Variants in PCCB observed in about 807,000 individuals in gnomAD.
The protein encoded by PCCB is propionyl-CoA carboxylase subunit beta.
A neutral mutation model predicts 60.7 loss-of-function variants in PCCB; 43 were observed. The observed-to-expected ratio is 0.71, with a 90% CI of 0.55 to 0.91. The LOEUF is 0.91. PCCB is among the 40% of genes least tolerant of loss of function. The pLI, the probability that PCCB is intolerant of heterozygous loss-of-function variation, is 0.00. For synonymous variants in PCCB, 276 were observed against 255.9 expected (o/e 1.08, Z -0.75); for missense variants, 766 against 702.8 (o/e 1.09, Z -1.02).
chr3:136,253,005 T>C (rs1336111320), intron 1 of PCCB, among the ~76,000 whole-genome samples: 1 of 151,422 alleles, frequency 6.6e-6, no homozygotes, highest in Non-Finnish European at 1.5e-5. Context: ...TTTTTGTTTT[T>C]TTCGGGGAGG....
chr3:136,260,462 T>A lies in PCCB; in HGVS notation c.373-17T>A. On this transcript the variant is annotated splice_polypyrimidine_tract_variant and intron_variant, in intron 3 of 14. Coordinates refer to ENST00000251654, the MANE Select transcript of PCCB (RefSeq NM_000532.5). The stretch of plus-strand genomic sequence containing the variant: ...CAGTCACTATATTTGACTTGCTGAT[T>A]TGTATTTTCTTTTTAGGATTTTACA... The A allele has an allele frequency of 6.2e-7, 1 of 1,606,560 alleles. No homozygotes were observed.
chr3:136,294,485 T>G (rs1933846591), intron 7 of PCCB, among the ~76,000 whole-genome samples: 1 of 151,972 alleles, frequency 6.6e-6, no homozygotes, highest in African/African-American at 2.4e-5. Context: ...CAAATTTTTT[T>G]TTTTTTGTAG....
rs554715258 is a variant in PCCB at position 136,263,730 on chromosome 3, G to A, written c.543+1665G>A. On this transcript the variant is annotated intron_variant, in intron 5 of 14. Coordinates refer to ENST00000251654, the MANE Select transcript of PCCB (RefSeq NM_000532.5). Reference sequence around the variant, plus strand: ...TATTTTGATAAAATTTCAAACTTCAGCCTGGGCACGGTGGCTCACACCTGC... The same window carrying A: ...TATTTTGATAAAATTTCAAACTTCAACCTGGGCACGGTGGCTCACACCTGC... Among the ~76,000 whole-genome samples, 7 of 152,114 alleles carry A rather than the reference G, an allele frequency of 4.6e-5. No homozygotes were observed. The East Asian group carries it at 1.4e-3, about 29-fold the overall frequency.
At chr3:136,267,380 A>G (rs772927257) in intron 5 of PCCB, among the ~76,000 whole-genome samples, 3 of 152,086 alleles carry the variant, frequency 2.0e-5, no homozygotes, top group Non-Finnish European at 4.4e-5. Context: ...TTGTGTGTAG[A>G]GATGGGGTCT....
intron 6 of PCCB, among the ~76,000 whole-genome samples, chr3:136,287,861 A>G (rs1354310460): frequency 6.6e-6 from 1 of 152,156 alleles, no homozygotes; most frequent in East Asian, 1.9e-4. Context: ...TGGTGCGCAC[A>G]TTTTATTTTC....
At position 136,283,988 on chromosome 3, in the gene PCCB, G is replaced by A. The variant is rs1212646545; in HGVS notation, c.654+41G>A. On this transcript the variant is annotated intron_variant, in intron 6 of 14. Transcript: ENST00000251654. ...CTGTTTTTGGTGCCGTTTGAGATTTGTGCAGTTCCTTACCTGCAATAAAAA... is the reference window on the plus strand; with the variant it reads ...CTGTTTTTGGTGCCGTTTGAGATTTATGCAGTTCCTTACCTGCAATAAAAA... The A allele has an allele frequency of 2.4e-6, 3 of 1,230,946 alleles. No homozygotes were observed. In the Admixed American group the frequency reaches 5.0e-5, roughly 21 times the overall value. The allele number at this position is 1,230,946 out of a possible 1,614,324, so 76.3% of individuals were successfully genotyped here. A position where few individuals can be genotyped will look rare whatever the true frequency, so the allele number is the denominator to read the frequency against.
At chr3:136,268,392 T>C (rs929044818) in intron 5 of PCCB, among the ~76,000 whole-genome samples, 2 of 151,524 alleles carry the variant, frequency 1.3e-5, no homozygotes, top group Admixed American at 1.3e-4. Context: ...TGTCTGTCCT[T>C]AAAATAGAAC....
Position 136,317,147 on chromosome 3 carries a change from C to T in PCCB, c.1090+83C>T, listed in dbSNP as rs1452775566. On this transcript the variant is annotated intron_variant, in intron 10 of 14. Transcript: ENST00000251654. ...TCCATGGTATCCTTTCTGTCTTTTG[C>T]CTGTTCTTCAGACATGGCCTTCCAT... 7.0e-6 allele frequency: 10 copies of T among 1,437,624 alleles called. No homozygotes were observed. In the East Asian group the frequency reaches 1.9e-4, roughly 28 times the overall value. The allele number at this position is 1,437,624 out of a possible 1,614,324, so 89.1% of individuals were successfully genotyped here. A position where few individuals can be genotyped will look rare whatever the true frequency, so the allele number is the denominator to read the frequency against.
chr3:136,251,817 TTTTC>T (rs1224854257), intron 1 of PCCB, among the ~76,000 whole-genome samples: 1 of 152,130 alleles, frequency 6.6e-6, no homozygotes, highest in African/African-American at 2.4e-5. Flanking sequence ...CAGAAGCTGT[TTTTC>T]TTTTGCCAAA....
intron 10 of PCCB, among the ~76,000 whole-genome samples, chr3:136,319,750 C>T (rs907543709): frequency 6.6e-6 from 1 of 152,122 alleles, no homozygotes; most frequent in Non-Finnish European, 1.5e-5. Context: ...TCTTCTGTTG[C>T]ATGTGCTTTT....
chr3:136,307,299 T>TA (rs1022286019), intron 9 of PCCB, among the ~76,000 whole-genome samples: 4 of 142,294 alleles, frequency 2.8e-5, no homozygotes, highest in African/African-American at 9.8e-5. Flanking sequence ...GATTATCTAA[T>TA]ATACTTAATT....
At chr3:136,284,611 C>G (rs1933281326) in intron 6 of PCCB, among the ~76,000 whole-genome samples, 1 of 152,058 alleles carries the variant, frequency 6.6e-6, no homozygotes. Flanking sequence ...GATAGCCATC[C>G]AACTTGAGGA....
chr3:136,250,651 A>G, intron 1 of PCCB, 93 bp downstream of exon 1: 1 of 1,299,376 alleles, frequency 7.7e-7, no homozygotes, highest in Non-Finnish European at 1.1e-6. Context: ...CTCCCTGCCA[A>G]TCCGCACGGT....
chr3:136,294,477 A>G (rs1266387670), intron 7 of PCCB, among the ~76,000 whole-genome samples: 1 of 151,734 alleles, frequency 6.6e-6, no homozygotes, highest in South Asian at 2.1e-4. Context: ...ACACCCAGCA[A>G]ATTTTTTTTT....
At chr3:136,264,897 AGCTTAAT>A (rs1941944559) in intron 5 of PCCB, among the ~76,000 whole-genome samples, 1 of 124,560 alleles carries the variant, frequency 8.0e-6, no homozygotes, top group East Asian at 2.7e-4. Context: ...AAAAAAAAAG[AGCTTAAT>A]GCTTAATAGG....
At chr3:136,273,775 G>A (rs2108167342) in intron 5 of PCCB, among the ~76,000 whole-genome samples, 1 of 150,132 alleles carries the variant, frequency 6.7e-6, no homozygotes, top group South Asian at 2.1e-4. Flanking sequence ...AGCCGGGCGT[G>A]GTGGCGGGTG....
chr3:136,273,656 A>G (rs1237356359), intron 5 of PCCB, among the ~76,000 whole-genome samples: 3 of 121,120 alleles, frequency 2.5e-5, no homozygotes, highest in African/African-American at 9.5e-5. Context: ...TGTCTGATAT[A>G]AGAATAGCTA....
intron 7 of PCCB, among the ~76,000 whole-genome samples, chr3:136,296,419 C>A (rs1933943763): frequency 6.6e-6 from 1 of 152,180 alleles, no homozygotes; most frequent in Non-Finnish European, 1.5e-5. Context: ...AAGGCTCATC[C>A]ATGTTGTATC....
intron 5 of PCCB, among the ~76,000 whole-genome samples, chr3:136,277,781 C>T (rs1339829034): frequency 1.3e-5 from 2 of 152,210 alleles, no homozygotes; most frequent in Non-Finnish European, 2.9e-5. Context: ...GCTAGCTGCA[C>T]TGGGCTAAGT....
Sources: gnomAD v4.1 joint callset for allele counts (sites outside exome capture counted in the v4.1 genomes callset) on GRCh38, gnomAD v4.1.1 for gene constraint, MANE v1.5 for transcripts, NCBI Gene and HGNC (gene_info 2026-07-23, HGNC 2026-07-21) for gene names.